The following ZFYVE9 variants were observed in gnomAD, a reference collection of about 807,000 sequenced individuals.
ZFYVE9 encodes zinc finger FYVE domain-containing protein 9.
A neutral mutation model predicts 126.7 loss-of-function variants in ZFYVE9; 43 were observed. The observed-to-expected ratio is 0.34, with a 90% CI of 0.27 to 0.44. The LOEUF (loss-of-function observed/expected upper bound fraction) is 0.44, where lower values mean the gene tolerates loss of function less well. Ranked by LOEUF, ZFYVE9 falls within the 20% of genes least tolerant of loss-of-function variation. The pLI is 1.00. For synonymous variants in ZFYVE9, 521 were observed against 597.4 expected (o/e 0.87, Z 1.87); for missense variants, 1,476 against 1,697.0 (o/e 0.87, Z 2.29).
At chr1:52,220,306 A>C (rs1193274368) in intron 2 of ZFYVE9, among the ~76,000 whole-genome samples, 1 of 152,090 alleles carries the variant, frequency 6.6e-6, no homozygotes, top group Non-Finnish European at 1.5e-5. Context: ...AGTGAGTCTC[A>C]TTGTCTGAAT....
intron 4 of ZFYVE9, among the ~76,000 whole-genome samples, chr1:52,248,378 GCTT>G (rs553200090): frequency 5.7e-4 from 87 of 152,298 alleles, no homozygotes; most frequent in African/African-American, 1.9e-3. Context: ...GCTTATCTTT[GCTT>G]CTTCTGCCTG....
At chr1:52,148,947 ATTTTTTTTTTT>A (rs56300233) in intron 1 of ZFYVE9, among the ~76,000 whole-genome samples, 50 of 34,242 alleles carry the variant, frequency 1.5e-3, no homozygotes, top group Admixed American at 6.2e-3. Context: ...CCTTAACATG[ATTTTTTTTTTT>A]TTTTTTTTTT....
At chr1:52,343,271 C>T (rs1367617136) in intron 17 of ZFYVE9, among the ~76,000 whole-genome samples, 3 of 151,766 alleles carry the variant, frequency 2.0e-5, no homozygotes, top group Non-Finnish European at 4.4e-5. Context: ...CATGGTGAAA[C>T]CCCATCTCTA....
intron 13 of ZFYVE9, among the ~76,000 whole-genome samples, chr1:52,328,323 T>C (rs1646311369): frequency 6.6e-6 from 1 of 152,152 alleles, no homozygotes; most frequent in South Asian, 2.1e-4. Flanking sequence ...ACAAGAACAT[T>C]ACAGAATTTG....
chr1:52,202,014 C>T (rs1412171425), intron 1 of ZFYVE9, among the ~76,000 whole-genome samples: 1 of 151,986 alleles, frequency 6.6e-6, no homozygotes, highest in African/African-American at 2.4e-5. Context: ...GAACTCCTGA[C>T]CTTAGGTGAT....
Position 52,204,178 on chromosome 1 carries a change from A to C in ZFYVE9, c.-142-12191A>C, listed in dbSNP as rs1644951565. ...GAACTGCTGAAAATAGGCCTTTAGTAATGTGATAAGCTGTTGGGGGAAGGG... is the reference window on the plus strand; with the variant it reads ...GAACTGCTGAAAATAGGCCTTTAGTCATGTGATAAGCTGTTGGGGGAAGGG... On this transcript the variant is annotated intron_variant, in intron 1 of 18. Transcript: ENST00000287727. Among the ~76,000 whole-genome samples the C allele has an allele frequency of 3.9e-5, 6 of 152,084 alleles. No homozygotes were observed. In the South Asian group the frequency reaches 1.2e-3, roughly 32 times the overall value.
chr1:52,276,836 T>C (rs945314156), intron 8 of ZFYVE9, among the ~76,000 whole-genome samples: 4 of 152,238 alleles, frequency 2.6e-5, no homozygotes, highest in Non-Finnish European at 4.4e-5. Flanking sequence ...AATTTAGATA[T>C]TATATTTTCA....
intron 10 of ZFYVE9, among the ~76,000 whole-genome samples, chr1:52,283,914 TAAG>T (rs1478642389): frequency 6.6e-6 from 1 of 152,186 alleles, no homozygotes; most frequent in Non-Finnish European, 1.5e-5. Flanking sequence ...AGCAAGAAAT[TAAG>T]AAATTATCAG....
intron 1 of ZFYVE9, among the ~76,000 whole-genome samples, chr1:52,174,655 C>T (rs983274142): frequency 2.0e-5 from 3 of 151,808 alleles, no homozygotes; most frequent in Admixed American, 2.0e-4. Context: ...CTTTGTAGGT[C>T]ACTCAGGACT....
chr1:52,289,673 T>C (rs1243412672), intron 10 of ZFYVE9, among the ~76,000 whole-genome samples: 1 of 151,880 alleles, frequency 6.6e-6, no homozygotes. Flanking sequence ...CAAATTCTTA[T>C]ACCCACTGTT....
intron 16 of ZFYVE9, 134 bp from the exon 17 acceptor site, chr1:52,339,992 G>C: frequency 1.5e-6 from 1 of 682,090 alleles, no homozygotes; most frequent in Non-Finnish European, 2.6e-6. Flanking sequence ...TTCTTGCTAT[G>C]ATGTGCTGCA....
At chr1:52,292,240 A>C (rs1465180349) in intron 10 of ZFYVE9, among the ~76,000 whole-genome samples, 1 of 144,924 alleles carries the variant, frequency 6.9e-6, no homozygotes, top group Non-Finnish European at 1.5e-5. Flanking sequence ...CCAAGATCAC[A>C]CCACTGCACT....
chr1:52,304,689 C>G (rs1330834244), intron 13 of ZFYVE9, among the ~76,000 whole-genome samples: 1 of 151,654 alleles, frequency 6.6e-6, no homozygotes, highest in Non-Finnish European at 1.5e-5. Flanking sequence ...TTGGTATGCA[C>G]GTAGAATCAC....
intron 13 of ZFYVE9, among the ~76,000 whole-genome samples, chr1:52,307,086 TC>T (rs1435543738): frequency 6.6e-6 from 1 of 152,218 alleles, no homozygotes; most frequent in Non-Finnish European, 1.5e-5. Context: ...ACACCAAGGA[TC>T]CTGTAACAGT....
chr1:52,200,783 G>A (rs147552360), intron 1 of ZFYVE9, among the ~76,000 whole-genome samples: 1 of 152,126 alleles, frequency 6.6e-6, no homozygotes, highest in African/African-American at 2.4e-5. Context: ...TATTGCTTTT[G>A]CTTTTTTGTC....
intron 13 of ZFYVE9, among the ~76,000 whole-genome samples, chr1:52,321,939 A>T (rs1421743894): frequency 1.3e-5 from 2 of 152,204 alleles, no homozygotes; most frequent in African/African-American, 2.4e-5. Context: ...CTATGGGCTT[A>T]AATACTATTT....
chr1:52,218,770 G>A (rs1309545133), intron 2 of ZFYVE9, among the ~76,000 whole-genome samples: 1 of 152,210 alleles, frequency 6.6e-6, no homozygotes, highest in Non-Finnish European at 1.5e-5. Context: ...TAGGCATGAA[G>A]CGAGAAATGG....
intron 1 of ZFYVE9, among the ~76,000 whole-genome samples, chr1:52,198,120 G>GGTTTTTTTTTTTTT (rs1553123725): frequency 9.0e-6 from 1 of 111,082 alleles, no homozygotes; most frequent in Admixed American, 1.1e-4. Context: ...GTTTTTTTTT[G>GGTTTTTTTTTTTTT]TTTGTTTTTT....
At chr1:52,186,606 CTTCAGCAAAGT>C (rs1454749652) in intron 1 of ZFYVE9, among the ~76,000 whole-genome samples, 1 of 152,182 alleles carries the variant, frequency 6.6e-6, no homozygotes, top group African/African-American at 2.4e-5. Context: ...CAGCTGATAG[CTTCAGCAAAGT>C]TTCAGGATAC....
Sources: allele counts gnomAD v4.1 joint callset (sites outside exome capture counted in the v4.1 genomes callset), GRCh38; gene constraint gnomAD v4.1.1; transcripts MANE v1.5; gene names NCBI Gene and HGNC (gene_info 2026-07-23, HGNC 2026-07-21).